CDC42BPA: variants seen among roughly 807,000 people sequenced by gnomAD.
CDC42BPA encodes the protein CDC42 binding protein kinase alpha.
CDC42BPA carries 80 observed loss-of-function variants against 223.5 expected under a neutral mutation model. That is an observed-to-expected ratio of 0.36 (90% confidence interval 0.30 to 0.43). CDC42BPA has a LOEUF of 0.43. Among genes scored for constraint, CDC42BPA ranks in the 20% least tolerant of loss-of-function variants. The pLI is 1.00. For missense variants in CDC42BPA, 1,743 were observed against 2,099.9 expected, an observed-to-expected ratio of 0.83 and a Z score of 3.32; for synonymous variants, 694 against 718.6, an observed-to-expected ratio of 0.97 and a Z score of 0.55.
chr1:227,303,058 G>A (rs1691936786), intron 1 of CDC42BPA, among the ~76,000 whole-genome samples: 1 of 148,352 alleles, frequency 6.7e-6, no homozygotes, highest in African/African-American at 2.5e-5. Flanking sequence ...TGTTTCATGT[G>A]GGTTGCTTTC....
At position 227,023,312 on chromosome 1, in the gene CDC42BPA, A is replaced by G; in HGVS notation, c.4566T>C (p.Leu1522=). The change falls in exon 32 of 37, where the codon CTT becomes CTC. Residue 1522 remains leucine, a synonymous_variant. Coordinates refer to ENST00000366766, the MANE Select transcript of CDC42BPA (RefSeq NM_001394014.1). The part of the protein sequence containing the change: ...RPLNNEGSLN[L]LGLETIRLIY... ...TTAATCTAATGGTCTCCAACCCTAA[A>G]AGATTTAATGATCCTTCATTGTTTA... 1.3e-6 allele frequency: 2 copies of G among 1,552,240 alleles called. No homozygotes were observed. Among genetic ancestry groups the G allele is most frequent in the Non-Finnish European group, 1.8e-6 (2 of 1,132,252 alleles).
rs143254580 is a variant in CDC42BPA at position 227,126,464 on chromosome 1, A to AAAGGAAGGAAGGAAGGAAGGAAGG, written c.1513+2621_1513+2644dup. The stretch of plus-strand genomic sequence containing the variant: ...TGACAGAGAAAACAGGCAGTACAAG[A>AAAGGAAGGAAGGAAGGAAGGAAGG]AAGGAAGGAAGGAAGGAAGGAAGGA... On this transcript the variant is annotated intron_variant, in intron 11 of 36. Transcript: ENST00000366766. Among the ~76,000 whole-genome samples, 28 of 130,554 alleles carry AAAGGAAGGAAGGAAGGAAGGAAGG rather than the reference A, an allele frequency of 2.1e-4. No individual in the cohort carries two copies. In the East Asian group the frequency reaches 3.6e-3, roughly 17 times the overall value. 85.6% of individuals were successfully genotyped at this position (130,554 alleles called of 152,430 possible).
At chr1:227,247,671 C>T (rs1223989606) in intron 2 of CDC42BPA, among the ~76,000 whole-genome samples, 11 of 151,846 alleles carry the variant, frequency 7.2e-5, no homozygotes, top group Admixed American at 2.0e-4. Flanking sequence ...GATCATCTGA[C>T]GTCAGGAGTT....
rs138376118 is a variant in CDC42BPA at position 227,204,938 on chromosome 1, TA to T, written c.355-5287del. Among the ~76,000 whole-genome samples, 167 of 149,414 alleles carry T rather than the reference TA, an allele frequency of 1.1e-3. 1 individual carries two copies. The highest frequency in any genetic ancestry group is 3.0e-3 in the African/African-American group (124 of 40,690). On this transcript the variant is annotated intron_variant, in intron 3 of 36. Coordinates refer to ENST00000366766, the MANE Select transcript of CDC42BPA (RefSeq NM_001394014.1). ...GAAACAATCTAAATTCCCATAAACT[TA>T]AAAAAAAAATCAACCTAATAAAAAA...
intron 2 of CDC42BPA, among the ~76,000 whole-genome samples, chr1:227,246,305 C>G (rs567150626): frequency 6.6e-6 from 1 of 152,310 alleles, no homozygotes; most frequent in East Asian, 1.9e-4. Flanking sequence ...AATAAAACAT[C>G]AGGTAGATTG....
chr1:227,268,692 TTTTTTTTTTTAAAG>T (rs1223792685), intron 1 of CDC42BPA, among the ~76,000 whole-genome samples: 1 of 84,930 alleles, frequency 1.2e-5, no homozygotes, highest in Non-Finnish European at 2.4e-5. Flanking sequence ...ACACACACAC[TTTTTTTTTTTAAAG>T]ACAGGGTCTT....
At chr1:227,179,179 G>A (rs936086114) in intron 5 of CDC42BPA, among the ~76,000 whole-genome samples, 46 of 152,158 alleles carry the variant, frequency 3.0e-4, no homozygotes, top group African/African-American at 1.1e-3. Flanking sequence ...GGGGAAATAG[G>A]GAAACAGGGT....
chr1:227,230,811 TC>T (rs1677724363), intron 2 of CDC42BPA, among the ~76,000 whole-genome samples: 6 of 101,632 alleles, frequency 5.9e-5, no homozygotes, highest in Admixed American at 1.1e-4. Context: ...ATTTCTTTTT[TC>T]TTTCTTTCTT....
chr1:227,111,916 G>C, intron 14 of CDC42BPA: 1 of 157,406 alleles, frequency 6.4e-6, no homozygotes, highest in Non-Finnish European at 1.4e-5. Context: ...AGATGTTTTA[G>C]ACTATGCCCA....
intron 1 of CDC42BPA, among the ~76,000 whole-genome samples, chr1:227,279,189 G>A (rs1487975439): frequency 6.6e-6 from 1 of 152,008 alleles, no homozygotes; most frequent in African/African-American, 2.4e-5. Context: ...GCATTAGTTG[G>A]AAACCTGTGT....
At chr1:227,282,006 A>G (rs968645865) in intron 1 of CDC42BPA, among the ~76,000 whole-genome samples, 6 of 152,118 alleles carry the variant, frequency 3.9e-5, no homozygotes, top group African/African-American at 1.4e-4. Context: ...CCTGACCAAC[A>G]TGGAGAAACC....
intron 2 of CDC42BPA, chr1:227,219,285 A>AAGC: frequency 6.6e-6 from 1 of 152,270 alleles, no homozygotes; most frequent in Non-Finnish European, 1.5e-5. Flanking sequence ...TAGCAGGCCA[A>AAGC]AGCAGCAAGC....
At chr1:227,201,517 A>T (rs1671750645) in intron 3 of CDC42BPA, among the ~76,000 whole-genome samples, 1 of 152,164 alleles carries the variant, frequency 6.6e-6, no homozygotes, top group African/African-American at 2.4e-5. Context: ...TATGACAGAA[A>T]CTTCAAAGAT....
chr1:227,054,981 A>C (rs1434667413), intron 21 of CDC42BPA, among the ~76,000 whole-genome samples: 1 of 152,016 alleles, frequency 6.6e-6, no homozygotes, highest in Non-Finnish European at 1.5e-5. Flanking sequence ...AAATATTTTG[A>C]GATGGTATTA....
chr1:227,306,228 A>T (rs1364210493), intron 1 of CDC42BPA, among the ~76,000 whole-genome samples: 1 of 150,716 alleles, frequency 6.6e-6, no homozygotes, highest in Non-Finnish European at 1.5e-5. Context: ...TGTAATAAGG[A>T]AGTTGTTATT....
chr1:227,141,523 T>A (rs558760210), intron 9 of CDC42BPA, among the ~76,000 whole-genome samples: 3 of 152,104 alleles, frequency 2.0e-5, no homozygotes, highest in Non-Finnish European at 4.4e-5. Flanking sequence ...AGAATTTGGG[T>A]CTAACAGTAA....
At chr1:227,145,107 C>T (rs564922882) in intron 8 of CDC42BPA, among the ~76,000 whole-genome samples, 2 of 152,180 alleles carry the variant, frequency 1.3e-5, no homozygotes, top group Admixed American at 1.3e-4. Context: ...TTGTATCAGG[C>T]CCTGACATGG....
intron 1 of CDC42BPA, among the ~76,000 whole-genome samples, chr1:227,300,097 T>C (rs544155905): frequency 3.9e-5 from 6 of 152,230 alleles, no homozygotes; most frequent in Admixed American, 3.3e-4. Context: ...CTAGGAGAAG[T>C]TGAAATTCAT....
chr1:227,199,050 T>C (rs893460298), intron 4 of CDC42BPA, among the ~76,000 whole-genome samples: 3 of 152,228 alleles, frequency 2.0e-5, no homozygotes, highest in Non-Finnish European at 2.9e-5. Context: ...ATCCGGCCTA[T>C]TTAAATGTTT....
Sources: allele counts gnomAD v4.1 joint callset (sites outside exome capture counted in the v4.1 genomes callset), GRCh38; gene constraint gnomAD v4.1.1; transcripts MANE v1.5; gene names NCBI Gene and HGNC (gene_info 2026-07-23, HGNC 2026-07-21).